KLHL30: variants seen among roughly 807,000 people sequenced by gnomAD.
The protein encoded by KLHL30 is kelch like family member 30.
Under a neutral mutation model 55.0 loss-of-function variants are expected in KLHL30, and 55 were observed. The ratio of observed to expected loss-of-function variants is 1.00; its 90% confidence interval spans 0.80 to 1.25. KLHL30 has a LOEUF of 1.25. Ranked by LOEUF, KLHL30 falls within the 50% of genes most tolerant of loss-of-function variation. The pLI is 0.00. For synonymous variants in KLHL30, 356 were observed against 372.6 expected, an observed-to-expected ratio of 0.96 and a Z score of 0.51; for missense variants, 786 against 811.6, an observed-to-expected ratio of 0.97 and a Z score of 0.38.
rs773435831 is a variant in KLHL30, at chr2:238,145,831, C to T, written c.1149C>T (p.Gly383=). 19 of 1,594,450 alleles carry T rather than the reference C, an allele frequency of 1.2e-5. No individual in the cohort carries two copies. The highest frequency in any genetic ancestry group is 1.1e-4 in the South Asian group (10 of 88,488). The part of the protein sequence containing the change: ...AALNGEIYVI[G]GTTLDVVEVE... Reference sequence around the variant, plus strand: ...TCAATGGGGAGATCTACGTTATCGGCGGTGAGGCCTTCCTCTCCACCCTTC... The same window carrying T: ...TCAATGGGGAGATCTACGTTATCGGTGGTGAGGCCTTCCTCTCCACCCTTC... Residue 383 remains glycine (G), a splice_region_variant and synonymous_variant, in exon 5 of 8, where the codon GGC becomes GGT. Coordinates refer to ENST00000409223, the MANE Select transcript of KLHL30 (RefSeq NM_198582.4).
At chr2:238,150,656 C>T (rs73102357) in intron 7 of KLHL30, among the ~76,000 whole-genome samples, 158 bp from the exon 8 acceptor site, 1,861 of 152,242 alleles carry the variant, frequency 0.012, 34 homozygotes, top group African/African-American at 0.042. Flanking sequence ...GGAGGGGCTG[C>T]GGTGGGCTGC....
At chr2:238,145,649 C>A in intron 4 of KLHL30, 28 bp from the exon 5 acceptor site, 1 of 1,561,866 alleles carries the variant, frequency 6.4e-7, no homozygotes, top group Non-Finnish European at 8.7e-7. Flanking sequence ...GCTGGTGGCA[C>A]CCATGTAGAC....
rs1692783017 is a variant in KLHL30, at chr2:238,152,880, T to C, written c.*1815T>C. On this transcript the variant is annotated 3_prime_UTR_variant, in exon 8 of 8. Coordinates refer to ENST00000409223, the MANE Select transcript of KLHL30 (RefSeq NM_198582.4). ...GGGCTGTTTAAAAACAAAGCCTCCA[T>C]GTAAACCATTTCTGCAAGAATATTT... The C allele has an allele frequency of 6.6e-6, 1 of 152,216 alleles. No homozygotes were observed. Among genetic ancestry groups the C allele is most frequent in the Non-Finnish European group, 1.5e-5 (1 of 68,044 alleles). 9.4% of individuals were successfully genotyped at this position (152,216 alleles called of 1,614,324 possible).
Position 238,140,919 on chromosome 2 carries a change from C to A in KLHL30, c.165C>A (p.Ser55Arg), listed in dbSNP as rs376241488. 4.1e-5 allele frequency: 66 copies of A among 1,610,714 alleles called. No individual in the cohort carries two copies. The highest frequency in any genetic ancestry group is 5.4e-5 in the Non-Finnish European group (64 of 1,178,406). Residue 55 changes from serine to arginine, a missense_variant, in exon 2 of 8, where the codon AGC becomes AGA. Physicochemically the swap from Ser to Arg is moderately radical, Grantham distance 110 (BLOSUM62 -1). Coordinates refer to ENST00000409223, the MANE Select transcript of KLHL30 (RefSeq NM_198582.4). The stretch of plus-strand genomic sequence containing the variant: ...ACCGCGGCCTCCTGGCGCTCAGCAG[C>A]CCCTACTTCCATGCCATGTTTGCGG... ...PCHRGLLALS[S>R]PYFHAMFAGD...
intron 4 of KLHL30, 77 bp downstream of exon 4, chr2:238,145,065 TG>T: frequency 8.5e-7 from 1 of 1,175,742 alleles, no homozygotes; most frequent in Non-Finnish European, 1.2e-6. Flanking sequence ...CCGCACTCCG[TG>T]GGGTCCCTGA....
chr2:238,142,809 C>T lies in KLHL30; in HGVS notation c.785C>T (p.Ala262Val), dbSNP rs878921699. The change falls in exon 3 of 8, where the codon GCC becomes GTC. Residue 262 changes from alanine (A) to valine (V), a missense_variant. By Grantham distance (64) the Ala-to-Val change is moderately conservative (BLOSUM62 0). Transcript: ENST00000409223. ...CCTCCCACCCCACAGGCACCACTCG[C>T]CCTCCAGCAGAAGCTGGAGGAGGTC... ...LSQGHDGAPL[A>V]LQQKLEEVLV... The T allele has an allele frequency of 2.8e-6, 4 of 1,411,118 alleles. No homozygotes were observed. In the Admixed American group the frequency reaches 1.0e-4, roughly 36 times the overall value. 87.4% of individuals were successfully genotyped at this position (1,411,118 alleles called of 1,614,324 possible).
rs138439591 is a variant in KLHL30, at chr2:238,142,573, C to T, written c.775-226C>T. Among the ~76,000 whole-genome samples the T allele has an allele frequency of 8.1e-3, 1,229 of 152,290 alleles. 5 individuals are homozygous for T. Among genetic ancestry groups the T allele is most frequent in the Non-Finnish European group, 0.012 (819 of 68,024 alleles). On this transcript the variant is annotated intron_variant, in intron 2 of 7. Coordinates refer to ENST00000409223, the MANE Select transcript of KLHL30 (RefSeq NM_198582.4). ...AGGGAGAAGCTTATGCGTGGCGCTG[C>T]GGACCTGCTATGGGATCGGTTCTGA...
intron 7 of KLHL30, 85 bp from the exon 8 acceptor site, chr2:238,150,729 C>T: frequency 1.4e-6 from 2 of 1,455,506 alleles, no homozygotes; most frequent in Non-Finnish European, 1.8e-6. Flanking sequence ...GTCCTCTCTG[C>T]CACTCCCCCG....
rs1692635441 is a variant in KLHL30 at position 238,145,730 on chromosome 2, T to C, written c.1048T>C (p.Phe350Leu). Residue 350 changes from phenylalanine (F) to leucine (L), a missense_variant, in exon 5 of 8, where the codon TTC becomes CTC. By Grantham distance (22) the Phe-to-Leu change is conservative. Transcript: ENST00000409223. ...CTGGTCAACCACCCAGGCCTGGTGC[T>C]TCCCCCTGAAGGAGGCCTCCTGGAA... ...DTWSTTQAWC[F>L]PLKEASWKPV... 6.3e-7 allele frequency: 1 copy of C among 1,595,146 alleles called. No homozygotes were observed. Among genetic ancestry groups the C allele is most frequent in the African/African-American group, 1.3e-5 (1 of 74,462 alleles).
rs1187393001 is a variant in KLHL30, at chr2:238,147,226, C to A, written c.1151-608C>A. Among the ~76,000 whole-genome samples the A allele has an allele frequency of 6.6e-6, 1 of 151,970 alleles. No homozygotes were observed. The highest frequency in any genetic ancestry group is 1.5e-5 in the Non-Finnish European group (1 of 67,976). ...TGTAGGTGATGAACTGGTCTTGAGG[C>A]CACTTCTAATGCCCCATCTGTCCCA... On this transcript the variant is annotated intron_variant, in intron 5 of 7. Coordinates refer to ENST00000409223, the MANE Select transcript of KLHL30 (RefSeq NM_198582.4). This position sits in a 1 kb window ranked among gnomAD's most constrained non-coding sequence, Gnocchi z 5.8.
chr2:238,139,512 C>G (rs1692491947), intron 1 of KLHL30, among the ~76,000 whole-genome samples: 1 of 152,174 alleles, frequency 6.6e-6, no homozygotes, highest in South Asian at 2.1e-4. Context: ...GTCCGCGAGG[C>G]CCTGTGGGCT....
chr2:238,144,432 A>AAGGAAGGAAGGCAGGCAGGCAGGC (rs1692608040), intron 3 of KLHL30, among the ~76,000 whole-genome samples: 8 of 82,446 alleles, frequency 9.7e-5, no homozygotes, highest in African/African-American at 1.8e-4. Flanking sequence ...GGAAGGAAGG[A>AAGGAAGGAAGGCAGGCAGGCAGGC]AGGCAGGCAG....
Position 238,149,131 on chromosome 2 carries a change from CG to C in KLHL30, c.1468del (p.Ala490ProfsTer28). 4 of 1,612,890 alleles carry C rather than the reference CG, an allele frequency of 2.5e-6. No homozygotes were observed. The highest frequency in any genetic ancestry group is 3.4e-6 in the Non-Finnish European group (4 of 1,179,820). On this transcript the variant is annotated frameshift_variant, in exon 7 of 8. Coordinates refer to ENST00000409223, the MANE Select transcript of KLHL30 (RefSeq NM_198582.4). LOFTEE classifies it high-confidence loss of function. ...NTKKVYVYDP[G>X]ANLWQKVQSQ... ...CCAAGAAGGTCTACGTGTACGACCC[CG>C]GGGCCAACCTGTGGCAGAAGGTGGG... is the stretch of plus-strand genomic sequence containing the variant.
At chr2:238,146,129 G>A (rs1692644114) in intron 5 of KLHL30, among the ~76,000 whole-genome samples, 1 of 152,112 alleles carries the variant, frequency 6.6e-6, no homozygotes, top group Non-Finnish European at 1.5e-5. Context: ...TCCTGCAGGA[G>A]CAGCCAGTGG....
chr2:238,148,616 G>C (rs1692690546), intron 6 of KLHL30, among the ~76,000 whole-genome samples: 1 of 149,312 alleles, frequency 6.7e-6, no homozygotes, highest in Non-Finnish European at 1.5e-5. Flanking sequence ...GTCCAGGCAA[G>C]GCCCACCTGG....
At chr2:238,143,244 G>C (rs1047307851) in intron 3 of KLHL30, among the ~76,000 whole-genome samples, 1 of 152,244 alleles carries the variant, frequency 6.6e-6, no homozygotes, top group South Asian at 2.1e-4. Context: ...TGGGGTGGGC[G>C]GCCTGGCCGC....
At chr2:238,139,839 T>C (rs538342983) in intron 1 of KLHL30, among the ~76,000 whole-genome samples, 24 of 152,340 alleles carry the variant, frequency 1.6e-4, no homozygotes, top group African/African-American at 5.5e-4. Flanking sequence ...ACTTGATCTC[T>C]CCTAGGGATG....
intron 3 of KLHL30, 31 bp downstream of exon 3, chr2:238,142,962 T>C (rs756633017): frequency 1.3e-6 from 2 of 1,499,602 alleles, no homozygotes; most frequent in African/African-American, 1.5e-5. Context: ...CAGACCCACC[T>C]GCTGTCTCTC....
chr2:238,149,179 G>A (rs1431163121), intron 7 of KLHL30, 27 bp downstream of exon 7: 2 of 1,610,692 alleles, frequency 1.2e-6, no homozygotes, highest in African/African-American at 2.7e-5. Context: ...CCCAACATGT[G>A]TGAGCCCCTG....
Sources: allele counts gnomAD v4.1 joint callset (sites outside exome capture counted in the v4.1 genomes callset), GRCh38; gene constraint gnomAD v4.1.1; non-coding constraint Gnocchi (gnomAD v3.1); transcripts MANE v1.5; gene names NCBI Gene and HGNC (gene_info 2026-07-23, HGNC 2026-07-21).